Variants in ZNF254 observed in about 807,000 individuals in gnomAD.
The protein encoded by ZNF254 is zinc finger protein 254.
A neutral mutation model predicts 12.4 loss-of-function variants in ZNF254; 10 were observed. That is an observed-to-expected ratio of 0.80 (90% confidence interval 0.50 to 1.36). ZNF254 has a LOEUF of 1.36. ZNF254 is among the 40% of genes most tolerant of loss of function. ZNF254 has a pLI of 0.00. For synonymous variants in ZNF254, 305 were observed against 253.4 expected, an observed-to-expected ratio of 1.20 and a Z score of -1.93; for missense variants, 996 against 763.9, an observed-to-expected ratio of 1.30 and a Z score of -3.58.
chr19:24,109,584 A>G lies in ZNF254; in HGVS notation c.253+2941A>G, dbSNP rs531071932. Among the ~76,000 whole-genome samples the G allele has an allele frequency of 2.0e-5, 3 of 152,294 alleles. No homozygotes were observed. In the South Asian group the frequency reaches 6.2e-4, roughly 32 times the overall value. On this transcript the variant is annotated intron_variant, in intron 3 of 3. Coordinates refer to ENST00000357002, the MANE Select transcript of ZNF254 (RefSeq NM_203282.4). ...GGTTTAATTAAAAGATAAATGAGCC[A>G]TATGTCTGTCATAGTCAGATTATCT...
At chr19:24,084,173 ATATAATATATT>A (rs1325645986), upstream of ZNF254, among the ~76,000 whole-genome samples, 3 of 147,848 alleles carry the variant, frequency 2.0e-5, no homozygotes, top group Non-Finnish European at 4.5e-5. Flanking sequence ...TATAAATAAT[ATATAATATATT>A]TATAATAATA....
In ZNF254 at chr19:24,076,288, A is replaced by C. The variant is rs541662681; in HGVS notation, c.-93-29652A>C. 3.9e-5 allele frequency among the ~76,000 whole-genome samples: 6 copies of C among 152,326 alleles called. No individual in the cohort carries two copies. In the South Asian group the frequency reaches 1.0e-3, roughly 26 times the overall value. ...AGGCACAAGAAATTATAAAAGTATG[A>C]ATTTGGGGAACTAATAAATGTCCAT... On this transcript the variant is annotated intron_variant, in intron 2 of 4. Transcript: ENST00000613065.
At chr19:24,107,319 T>C in intron 3 of ZNF254, 1 of 507,492 alleles carries the variant, frequency 2.0e-6, no homozygotes, top group Non-Finnish European at 3.5e-6. Context: ...ATAATACTTA[T>C]TCTTTCAATA....
intron 3 of ZNF254, among the ~76,000 whole-genome samples, chr19:24,111,286 C>T (rs1460652917): frequency 6.6e-6 from 1 of 152,166 alleles, no homozygotes; most frequent in Non-Finnish European, 1.5e-5. Context: ...ATGAACTCAT[C>T]ATTATTGATG....
chr19:24,052,284 C>T (rs919833909), intron 2 of ZNF254, among the ~76,000 whole-genome samples: 1 of 152,210 alleles, frequency 6.6e-6, no homozygotes, highest in Non-Finnish European at 1.5e-5. Context: ...AGGGGAACCA[C>T]CCACAGAAGT....
At chr19:24,050,045 G>C (rs1970586443) in intron 2 of ZNF254, among the ~76,000 whole-genome samples, 1 of 151,988 alleles carries the variant, frequency 6.6e-6, no homozygotes, top group Non-Finnish European at 1.5e-5. Context: ...ATATATTACT[G>C]GGCCCAGAAC....
chr19:24,099,957 A>G (rs1250903893), intron 1 of ZNF254, among the ~76,000 whole-genome samples: 3 of 152,226 alleles, frequency 2.0e-5, no homozygotes, highest in Non-Finnish European at 2.9e-5. Context: ...GTGCCAACCA[A>G]GCTTTATTGT....
intron 1 of ZNF254, among the ~76,000 whole-genome samples, chr19:24,041,673 C>A (rs1021742061): frequency 6.6e-6 from 1 of 152,246 alleles, no homozygotes; most frequent in Non-Finnish European, 1.5e-5. Context: ...CCAGTCCCAT[C>A]GACCACCCAA....
At chr19:24,033,772 C>T (rs1019414096) in intron 1 of ZNF254, among the ~76,000 whole-genome samples, 30 of 152,172 alleles carry the variant, frequency 2.0e-4, no homozygotes, top group Admixed American at 2.6e-4. Context: ...GGCGGCTGGG[C>T]CCGCAGCCGG....
At chr19:24,099,516 A>G (rs1599706146) in intron 1 of ZNF254, among the ~76,000 whole-genome samples, 2 of 152,220 alleles carry the variant, frequency 1.3e-5, no homozygotes, top group Non-Finnish European at 2.9e-5. Flanking sequence ...TTAAAATGCA[A>G]GTAGCCAAAA....
At chr19:24,067,815 G>T (rs544503294) in intron 2 of ZNF254, among the ~76,000 whole-genome samples, 2 of 152,000 alleles carry the variant, frequency 1.3e-5, no homozygotes, top group Admixed American at 1.3e-4. Context: ...GCATTGTGAC[G>T]TGTAGCTGGG....
Position 24,034,935 on chromosome 19 carries a change from C to A in ZNF254, c.-190+1314C>A, listed in dbSNP as rs561036729. On this transcript the variant is annotated intron_variant, in intron 1 of 4. Coordinates refer to the ZNF254 transcript ENST00000613065. The stretch of plus-strand genomic sequence containing the variant: ...AGTAGCTGGGATTACAGGCACCTGC[C>A]GTCATGCGCAGCATGAAGTTACTTA... Among the ~76,000 whole-genome samples the A allele has an allele frequency of 1.1e-4, 16 of 146,364 alleles. No individual in the cohort carries two copies. In the South Asian group the frequency reaches 1.8e-3, roughly 16 times the overall value.
At chr19:24,096,928 G>A (rs952229513) in intron 1 of ZNF254, among the ~76,000 whole-genome samples, 6 of 152,156 alleles carry the variant, frequency 3.9e-5, no homozygotes, top group African/African-American at 1.4e-4. Context: ...AGATGTCCAA[G>A]AGTTCAAGCA....
At chr19:24,061,935 AT>A (rs1291083172) in intron 2 of ZNF254, among the ~76,000 whole-genome samples, 1 of 152,080 alleles carries the variant, frequency 6.6e-6, no homozygotes, top group Non-Finnish European at 1.5e-5. Context: ...AATACAAAAA[AT>A]TAGCCAGGTA....
Position 24,126,580 on chromosome 19 carries a change from C to G in ZNF254, c.580C>G (p.Leu194Val). The G allele has an allele frequency of 6.2e-7, 1 of 1,604,502 alleles. No individual in the cohort carries two copies. Among genetic ancestry groups the G allele is most frequent in the Non-Finnish European group, 8.5e-7 (1 of 1,177,454 alleles). ...AAAACGTGTCAAATTATTTTGCATG[C>G]TTTCACATAAAACCCAACACAAAAG... ...CKKRVKLFCM[L>V]SHKTQHKSIY... Residue 194 changes from leucine to valine, a missense_variant, in exon 4 of 4, where the codon CTT (leucine) becomes GTT (valine). Leu to Val is a conservative substitution (Grantham distance 32). Coordinates refer to ENST00000357002, the MANE Select transcript of ZNF254 (RefSeq NM_203282.4).
upstream of ZNF254, chr19:24,087,038 C>T (rs1972066150): frequency 4.5e-5 from 19 of 421,514 alleles, no homozygotes; most frequent in South Asian, 4.0e-4. Context: ...GTCACTCTTT[C>T]TTCAGCCTAG....
intron 2 of ZNF254, among the ~76,000 whole-genome samples, chr19:24,053,044 A>G (rs1445874663): frequency 6.6e-6 from 1 of 152,224 alleles, no homozygotes; most frequent in Non-Finnish European, 1.5e-5. Flanking sequence ...ATAGCCTGCC[A>G]ACAGTAAAGA....
intron 1 of ZNF254, chr19:24,103,862 T>A (rs1973176495): frequency 6.6e-6 from 1 of 152,368 alleles, no homozygotes; most frequent in South Asian, 2.1e-4. Context: ...GTAGCTGCGA[T>A]TACAGGTGCC....
upstream of ZNF254, among the ~76,000 whole-genome samples, chr19:24,083,857 G>T (rs1157828338): frequency 2.0e-5 from 3 of 152,080 alleles, no homozygotes; most frequent in Non-Finnish European, 2.9e-5. Context: ...CATGGTTTTG[G>T]TGAAAAGGGA....
Sources: allele counts gnomAD v4.1 joint callset (sites outside exome capture counted in the v4.1 genomes callset), GRCh38; gene constraint gnomAD v4.1.1; transcripts MANE v1.5; gene names NCBI Gene and HGNC (gene_info 2026-07-23, HGNC 2026-07-21).